Variants in USP6NL observed in about 807,000 individuals in gnomAD.
The protein encoded by USP6NL is USP6 N-terminal-like protein.
In USP6NL, 26 loss-of-function variants were observed where a neutral mutation model predicts 61.9. The ratio of observed to expected loss-of-function variants is 0.42; its 90% CI spans 0.31 to 0.58. The LOEUF (loss-of-function observed/expected upper bound fraction) is 0.58. Among genes scored for constraint, USP6NL ranks in the 20% least tolerant of loss-of-function variants. USP6NL has a pLI of 0.16. For missense variants in USP6NL, 1,114 were observed against 1,034.3 expected (o/e 1.08, Z -1.06); for synonymous variants, 432 against 390.1 (o/e 1.11, Z -1.27).
chr10:11,508,533 A>G (rs1334099223), intron 6 of USP6NL, among the ~76,000 whole-genome samples: 2 of 152,262 alleles, frequency 1.3e-5, no homozygotes, highest in African/African-American at 4.8e-5. Context: ...GGAACTAATC[A>G]AGGCAGCAGT....
Position 11,543,803 on chromosome 10 carries a change from G to GTTTT in USP6NL, c.5-16240_5-16237dup, listed in dbSNP as rs781443038. Among the ~76,000 whole-genome samples the GTTTT allele has an allele frequency of 1.6e-3, 120 of 76,386 alleles. 14 individuals are homozygous for GTTTT. Among genetic ancestry groups the GTTTT allele is most frequent in the South Asian group, 5.1e-3 (8 of 1,554 alleles). 50.1% of individuals were successfully genotyped at this position (76,386 alleles called of 152,430 possible). On this transcript the variant is annotated intron_variant, in intron 2 of 14. Transcript: ENST00000609104. ...TCTGGGGATCCTGAAAAATATTTAG[G>GTTTT]TTTTTTTTTTTTTTTTTTTTTTTTT...
chr10:11,489,303 A>G lies in USP6NL; in HGVS notation c.544-81T>C, dbSNP rs1833611962. On this transcript the variant is annotated intron_variant, in intron 9 of 14. Transcript: ENST00000609104. The surrounding 1 kb of genome is among the most constrained non-coding windows in gnomAD (Gnocchi z 5.7). ...TGTACAGAGAAAAAGCTACTCTATAAAAACCAGAAAATGCCTACACACATC... is the reference window on the plus strand; with the variant it reads ...TGTACAGAGAAAAAGCTACTCTATAGAAACCAGAAAATGCCTACACACATC... The G allele has an allele frequency of 6.5e-7, 1 of 1,550,370 alleles. No homozygotes were observed. Among genetic ancestry groups the G allele is most frequent in the Non-Finnish European group, 8.7e-7 (1 of 1,143,866 alleles).
rs1169344465 is a variant in USP6NL at position 11,476,147 on chromosome 10, C to T, written c.1078+5623G>A. ...AGCCCATAACAAATACAAAATGTAG[C>T]CCTGACTAAGTGCTGGTGAGAAAAA... On this transcript the variant is annotated intron_variant, in intron 14 of 14. Transcript: ENST00000609104. The surrounding 1 kb of genome is among the most constrained non-coding windows in gnomAD (Gnocchi z 4.3). Among the ~76,000 whole-genome samples the T allele has an allele frequency of 6.6e-6, 1 of 152,134 alleles. No homozygotes were observed. Among genetic ancestry groups the T allele is most frequent in the Non-Finnish European group, 1.5e-5 (1 of 68,030 alleles).
At chr10:11,607,367 T>A (rs1295515990) in intron 1 of USP6NL, among the ~76,000 whole-genome samples, 1 of 152,130 alleles carries the variant, frequency 6.6e-6, no homozygotes, top group East Asian at 1.9e-4. Flanking sequence ...GCCAACTGAC[T>A]TATAAATACT....
At chr10:11,580,867 T>TGATG (rs112761648) in intron 2 of USP6NL, among the ~76,000 whole-genome samples, 17,964 of 149,744 alleles carry the variant, frequency 0.12, 1,422 homozygotes, top group African/African-American at 0.23. Context: ...AACGGATAGA[T>TGATG]GATGGATGGA....
At position 11,491,905 on chromosome 10, in the gene USP6NL, T is replaced by C. The variant is rs1833722380; in HGVS notation, c.495-1025A>G. On this transcript the variant is annotated intron_variant, in intron 8 of 14. Transcript: ENST00000609104. This position sits in a 1 kb window ranked among gnomAD's most constrained non-coding sequence, Gnocchi z 4.7. ...ATTATAAACACCACCTGTGACCACA[T>C]GACCAGTCACAGAAGGGATTGCTGC... Among the ~76,000 whole-genome samples the C allele has an allele frequency of 6.6e-6, 1 of 152,260 alleles. No individual in the cohort carries two copies. Among genetic ancestry groups the C allele is most frequent in the Non-Finnish European group, 1.5e-5 (1 of 68,048 alleles).
intron 2 of USP6NL, among the ~76,000 whole-genome samples, chr10:11,543,265 G>C (rs187641584): frequency 1.6e-4 from 24 of 152,188 alleles, no homozygotes; most frequent in African/African-American, 5.8e-4. Context: ...TAACTGGCCG[G>C]GAGCAGTGGC....
rs567513280 is a variant in USP6NL at position 11,510,979 on chromosome 10, T to C, written c.196-1304A>G. Among the ~76,000 whole-genome samples, 2 of 152,338 alleles carry C rather than the reference T, an allele frequency of 1.3e-5. No individual in the cohort carries two copies. The highest frequency in any genetic ancestry group is 2.1e-4 in the South Asian group (1 of 4,830). On this transcript the variant is annotated intron_variant, in intron 5 of 14. Transcript: ENST00000609104. The surrounding 1 kb of genome is among the most constrained non-coding windows in gnomAD (Gnocchi z 4.8). ...GGAAGCAGCAGCTCCTTACTGACTG[T>C]CTGCAATCCAGCCTCAAACAGGCAG...
chr10:11,540,205 G>A lies in USP6NL; in HGVS notation c.5-12638C>T, dbSNP rs1591905460. Among the ~76,000 whole-genome samples, 1 of 152,142 alleles carries A rather than the reference G, an allele frequency of 6.6e-6. No homozygotes were observed. Among genetic ancestry groups the A allele is most frequent in the African/African-American group, 2.4e-5 (1 of 41,430 alleles). ...TTACATGAAATTGTCAATTATTTGT[G>A]CAAAATGGAGATGAATGGTATTCTG... On this transcript the variant is annotated intron_variant, in intron 2 of 14. Coordinates refer to ENST00000609104, the MANE Select transcript of USP6NL (RefSeq NM_014688.5). This position sits in a 1 kb window ranked among gnomAD's most constrained non-coding sequence, Gnocchi z 5.0.
At chr10:11,606,595 T>C (rs1353766202) in intron 1 of USP6NL, among the ~76,000 whole-genome samples, 2 of 152,072 alleles carry the variant, frequency 1.3e-5, no homozygotes, top group African/African-American at 4.8e-5. Flanking sequence ...AGAAAAAGGG[T>C]GAAAGTCTCA....
intron 14 of USP6NL, among the ~76,000 whole-genome samples, chr10:11,464,549 C>A (rs1400637193): frequency 6.6e-6 from 1 of 152,162 alleles, no homozygotes; most frequent in African/African-American, 2.4e-5. Context: ...ATTCCAGAGC[C>A]TTTGATCCTC....
At chr10:11,514,576 A>G (rs927577390) in intron 5 of USP6NL, among the ~76,000 whole-genome samples, 2 of 152,020 alleles carry the variant, frequency 1.3e-5, no homozygotes, top group Non-Finnish European at 2.9e-5. Context: ...CTCCCCTTCA[A>G]ATTTGTCCTT....
chr10:11,488,585 T>G (rs1003106619), intron 10 of USP6NL, among the ~76,000 whole-genome samples: 7 of 152,228 alleles, frequency 4.6e-5, no homozygotes, highest in Non-Finnish European at 8.8e-5. Flanking sequence ...TGGAACCAAT[T>G]TTATGTGAAA....
intron 2 of USP6NL, among the ~76,000 whole-genome samples, chr10:11,560,365 T>C (rs1481749532): frequency 1.3e-5 from 2 of 152,116 alleles, no homozygotes; most frequent in South Asian, 2.1e-4. Flanking sequence ...GGCACCAAGA[T>C]TCAAATCCCA....
At chr10:11,503,421 G>A (rs1043497322) in intron 6 of USP6NL, among the ~76,000 whole-genome samples, 14 of 152,068 alleles carry the variant, frequency 9.2e-5, no homozygotes, top group African/African-American at 3.4e-4. Context: ...CTACATTTAG[G>A]GAAAAAAACT....
chr10:11,591,267 A>G lies in USP6NL; in HGVS notation c.4+6364T>C, dbSNP rs1838151195. Among the ~76,000 whole-genome samples the G allele has an allele frequency of 6.7e-6, 1 of 150,366 alleles. No homozygotes were observed. Among genetic ancestry groups the G allele is most frequent in the African/African-American group, 2.4e-5 (1 of 41,392 alleles). On this transcript the variant is annotated intron_variant, in intron 2 of 14. Transcript: ENST00000609104. This position sits in a 1 kb window ranked among gnomAD's most constrained non-coding sequence, Gnocchi z 4.7. ...ATGGAGAGTCTCTTGAAACTATTAT[A>G]AAGAAGTCATTTGGAGCACACTGGT... is the stretch of plus-strand genomic sequence containing the variant.
chr10:11,494,957 A>G (rs1393836604), intron 7 of USP6NL, among the ~76,000 whole-genome samples: 1 of 151,832 alleles, frequency 6.6e-6, no homozygotes, highest in Non-Finnish European at 1.5e-5. Flanking sequence ...CCCTCCACAA[A>G]AGGTGGAGGA....
At chr10:11,544,106 C>G (rs373998363) in intron 2 of USP6NL, among the ~76,000 whole-genome samples, 4 of 152,030 alleles carry the variant, frequency 2.6e-5, no homozygotes, top group Non-Finnish European at 4.4e-5. Flanking sequence ...CCACCATGCC[C>G]GGCCCAATAT....
In USP6NL at chr10:11,575,436, C is replaced by G. The variant is rs1413838951; in HGVS notation, c.4+22195G>C. ...AGGTACTGTTTTGACAGGTAACTTT[C>G]CATTAGCTTTCCTCTCTCCCAGTCT... is the stretch of plus-strand genomic sequence containing the variant. On this transcript the variant is annotated intron_variant, in intron 2 of 14. Transcript: ENST00000609104. This position sits in a 1 kb window ranked among gnomAD's most constrained non-coding sequence, Gnocchi z 4.2. Among the ~76,000 whole-genome samples the G allele has an allele frequency of 6.6e-6, 1 of 152,304 alleles. No homozygotes were observed.
Sources: allele counts gnomAD v4.1 joint callset (sites outside exome capture counted in the v4.1 genomes callset), GRCh38; gene constraint gnomAD v4.1.1; non-coding constraint Gnocchi (gnomAD v3.1); transcripts MANE v1.5; gene names NCBI Gene and HGNC (gene_info 2026-07-23, HGNC 2026-07-21).